URI1: variants seen among roughly 807,000 people sequenced by gnomAD.
URI1 encodes the protein unconventional prefoldin RPB5 interactor 1.
Under a neutral mutation model 60.2 loss-of-function variants are expected in URI1, and 39 were observed. The observed-to-expected ratio is 0.65, with a 90% CI of 0.50 to 0.85. URI1 has a LOEUF of 0.85. Among genes scored for constraint, URI1 ranks in the 40% least tolerant of loss-of-function variants. The pLI is 0.00. For synonymous variants in URI1, 251 were observed against 236.8 expected (o/e 1.06, Z -0.55); for missense variants, 691 against 665.9 (o/e 1.04, Z -0.42).
intron 1 of URI1, among the ~76,000 whole-genome samples, chr19:29,928,243 A>T (rs1453600350): frequency 1.3e-5 from 2 of 152,174 alleles, no homozygotes; most frequent in Non-Finnish European, 2.9e-5. Flanking sequence ...GCTAGCAGCA[A>T]GAAAACAGCA....
rs372164551 is a variant in URI1, at chr19:29,976,152, C to T, written c.152+4925C>T. Among the ~76,000 whole-genome samples, 15 of 152,210 alleles carry T rather than the reference C, an allele frequency of 9.9e-5. No individual in the cohort carries two copies. In the East Asian group the frequency reaches 1.9e-3, roughly 20 times the overall value. On this transcript the variant is annotated intron_variant, in intron 2 of 10. Transcript: ENST00000392271. ...TTGCTACATGACTGAGAGTATAGCT[C>T]TGAACTCAAAATATATCCTTGCTAA...
Position 30,012,354 on chromosome 19 carries a change from G to C in URI1, c.1248G>C (p.Glu416Asp). The C allele has an allele frequency of 6.2e-7, 1 of 1,614,226 alleles. No individual in the cohort carries two copies. Among genetic ancestry groups the C allele is most frequent in the Non-Finnish European group, 8.5e-7 (1 of 1,180,024 alleles). ...RKSILKSRSR[E>D]NSVCSDTSES... ...CCATCCTGAAGTCTCGAAGTAGAGA[G>C]AATAGTGTGTGTAGCGACACTAGTG... Residue 416 changes from glutamate (E) to aspartate (D), a missense_variant, in exon 10 of 11, where the codon GAG becomes GAC. Coordinates refer to ENST00000392271, the MANE Select transcript of URI1 (RefSeq NM_003796.3).
At chr19:29,926,244 C>T (rs1051123576) in intron 1 of URI1, among the ~76,000 whole-genome samples, 5 of 131,664 alleles carry the variant, frequency 3.8e-5, no homozygotes, top group Admixed American at 2.3e-4. Context: ...TCCTTCCTTC[C>T]TTCCTTCCTT....
chr19:29,925,631 G>A (rs888487186), intron 1 of URI1: 4 of 152,228 alleles, frequency 2.6e-5, no homozygotes, highest in East Asian at 1.9e-4. Context: ...AGAGACACTC[G>A]ACCAAACAGG....
chr19:29,975,649 G>A (rs1350802823), intron 2 of URI1, among the ~76,000 whole-genome samples: 5 of 151,964 alleles, frequency 3.3e-5, no homozygotes, highest in Admixed American at 6.6e-5. Flanking sequence ...GATTACAGGC[G>A]CGTGCCGCCA....
intron 2 of URI1, among the ~76,000 whole-genome samples, chr19:29,983,955 T>C (rs541573652): frequency 6.6e-6 from 1 of 152,342 alleles, no homozygotes; most frequent in Middle Eastern, 3.4e-3. Flanking sequence ...CTACTTAATT[T>C]CTTCTACCCC....
At chr19:29,986,555 A>G (rs894242908) in intron 4 of URI1, 138 bp downstream of exon 4, 2 of 1,108,034 alleles carry the variant, frequency 1.8e-6, no homozygotes, top group South Asian at 1.7e-5. Context: ...GTTGAATTGT[A>G]GGTAGTTTGA....
At position 30,005,225 on chromosome 19, in the gene URI1, A is replaced by G. The variant is rs968233971; in HGVS notation, c.368-136A>G. The stretch of plus-strand genomic sequence containing the variant: ...GTATAACTTATTAAAAGTCCATTTA[A>G]AAGGAAAATAGTGTAAGATTTTTGA... On this transcript the variant is annotated intron_variant, in intron 4 of 10. Transcript: ENST00000392271. 2.9e-5 allele frequency: 16 copies of G among 553,892 alleles called. No individual in the cohort carries two copies. The African/African-American group carries it at 3.1e-4, about 11-fold the overall frequency. 34.3% of individuals were successfully genotyped at this position (553,892 alleles called of 1,614,324 possible).
Position 30,015,745 on chromosome 19 carries a change from T to TCA in URI1, c.*676_*677insCA. The TCA allele has an allele frequency of 1.5e-6, 1 of 660,384 alleles. No individual in the cohort carries two copies. The allele number at this position is 660,384 out of a possible 1,614,324, so 40.9% of individuals were successfully genotyped here. A position where few individuals can be genotyped will look rare whatever the true frequency, so the allele number is the denominator to read the frequency against. On this transcript the variant is annotated 3_prime_UTR_variant, in exon 11 of 11. Coordinates refer to ENST00000392271, the MANE Select transcript of URI1 (RefSeq NM_003796.3). ...TTTATGATTCAAAATTGAGTACAGATATGTCCTTGATTCATATGTATGCTA... is the reference window on the plus strand; with the variant it reads ...TTTATGATTCAAAATTGAGTACAGATCAATGTCCTTGATTCATATGTATGCTA...
rs184059411 is a variant in URI1 at position 29,998,201 on chromosome 19, A to G, written c.368-7160A>G. Reference sequence around the variant, plus strand: ...ATTCCAGTTAGAAAAGATACTTTATATGATTTCAATCTTGTTAAATTTTTC... The same window carrying G: ...ATTCCAGTTAGAAAAGATACTTTATGTGATTTCAATCTTGTTAAATTTTTC... On this transcript the variant is annotated intron_variant, in intron 4 of 10. Coordinates refer to ENST00000392271, the MANE Select transcript of URI1 (RefSeq NM_003796.3). 1.2e-4 allele frequency among the ~76,000 whole-genome samples: 18 copies of G among 152,314 alleles called. No homozygotes were observed. The East Asian group carries it at 3.3e-3, about 28-fold the overall frequency.
intron 1 of URI1, chr19:29,957,999 A>T (rs1243385085): frequency 6.6e-6 from 1 of 151,152 alleles, no homozygotes; most frequent in Non-Finnish European, 1.5e-5. Context: ...TGTGTTGGCC[A>T]GACTAGTCTC....
intron 1 of URI1, among the ~76,000 whole-genome samples, chr19:29,943,031 C>T (rs1568407425): frequency 6.6e-6 from 1 of 152,088 alleles, no homozygotes; most frequent in Admixed American, 6.5e-5. Context: ...TTTGATTGCA[C>T]GGAAAAGTTT....
At chr19:29,956,701 A>G in intron 1 of URI1, 2 of 1,549,692 alleles carry the variant, frequency 1.3e-6, no homozygotes, top group Non-Finnish European at 1.8e-6. Flanking sequence ...GGAAGTGAGC[A>G]TACACAGACC....
At chr19:30,003,123 A>G (rs1017437873) in intron 4 of URI1, among the ~76,000 whole-genome samples, 2 of 151,992 alleles carry the variant, frequency 1.3e-5, no homozygotes, top group African/African-American at 2.4e-5. Flanking sequence ...TGCTTTTTTA[A>G]CTGTTGTTCT....
chr19:29,993,040 T>C (rs983406175), intron 4 of URI1, among the ~76,000 whole-genome samples: 3 of 152,252 alleles, frequency 2.0e-5, no homozygotes, highest in Admixed American at 6.5e-5. Flanking sequence ...ACCGTGTGTC[T>C]TTTGTTCAGA....
chr19:30,007,959 T>C (rs532305158), intron 7 of URI1, among the ~76,000 whole-genome samples: 27 of 152,202 alleles, frequency 1.8e-4, no homozygotes, highest in African/African-American at 6.5e-4. Flanking sequence ...GGATTTAATA[T>C]ATATAATGTT....
At chr19:29,970,807 C>T (rs1312004897) in intron 1 of URI1, among the ~76,000 whole-genome samples, 9 of 151,850 alleles carry the variant, frequency 5.9e-5, no homozygotes, top group Admixed American at 4.6e-4. Context: ...ACTGACGAAA[C>T]GTGGATGTTA....
intron 1 of URI1, among the ~76,000 whole-genome samples, chr19:29,928,286 C>T (rs1304921755): frequency 6.6e-6 from 1 of 152,128 alleles, no homozygotes; most frequent in African/African-American, 2.4e-5. Flanking sequence ...ACTAGAGAAG[C>T]TTAAAAACTT....
At chr19:29,931,843 A>G (rs1284054382) in intron 1 of URI1, among the ~76,000 whole-genome samples, 1 of 151,692 alleles carries the variant, frequency 6.6e-6, no homozygotes, top group African/African-American at 2.4e-5. Context: ...ATCCTACTAT[A>G]TAGAAACTGA....
Sources: gnomAD v4.1 joint callset for allele counts (sites outside exome capture counted in the v4.1 genomes callset) on GRCh38, gnomAD v4.1.1 for gene constraint, MANE v1.5 for transcripts, NCBI Gene and HGNC (gene_info 2026-07-23, HGNC 2026-07-21) for gene names.